The following SLC24A3 variants were observed in gnomAD, a reference collection of about 807,000 sequenced individuals.
SLC24A3 encodes the protein sodium/potassium/calcium exchanger 3.
SLC24A3 carries 28 observed loss-of-function variants against 75.8 expected under a neutral mutation model. The observed-to-expected ratio is 0.37, with a 90% CI of 0.27 to 0.51. The LOEUF is 0.51. SLC24A3 is among the 20% of genes least tolerant of loss of function. The pLI is 0.94. For missense variants in SLC24A3, 663 were observed against 847.8 expected, an observed-to-expected ratio of 0.78 and a Z score of 2.71; for synonymous variants, 372 against 334.1, an observed-to-expected ratio of 1.11 and a Z score of -1.24.
intron 2 of SLC24A3, among the ~76,000 whole-genome samples, chr20:19,372,012 T>C (rs1986000795): frequency 6.6e-6 from 1 of 152,154 alleles, no homozygotes; most frequent in South Asian, 2.1e-4. Flanking sequence ...GACCCAGGGC[T>C]TCTATATCAT....
chr20:19,434,692 A>G (rs926374285), intron 2 of SLC24A3, among the ~76,000 whole-genome samples: 1 of 152,010 alleles, frequency 6.6e-6, no homozygotes, highest in African/African-American at 2.4e-5. Flanking sequence ...GTTCTTGGCT[A>G]ATTACAAAGT....
intron 3 of SLC24A3, among the ~76,000 whole-genome samples, chr20:19,549,657 G>A (rs538195910): frequency 1.3e-4 from 20 of 152,216 alleles, no homozygotes; most frequent in East Asian, 1.2e-3. Flanking sequence ...GTTGGCGGGC[G>A]TCTGTAATCC....
chr20:19,715,920 C>T (rs1190089073), intron 15 of SLC24A3, among the ~76,000 whole-genome samples: 2 of 152,234 alleles, frequency 1.3e-5, no homozygotes, highest in Admixed American at 1.3e-4. Context: ...AACCTGAATG[C>T]ACACAAGCAT....
rs928590004 is a variant in SLC24A3 at position 19,542,173 on chromosome 20, G to A, written c.348+26609G>A. 2.0e-5 allele frequency among the ~76,000 whole-genome samples: 3 copies of A among 152,194 alleles called. No homozygotes were observed. In the East Asian group the frequency reaches 5.8e-4, roughly 29 times the overall value. Reference sequence around the variant, plus strand: ...CACTTAAGTTGATGTGAAATGTTGAGGTCAAGGTGAAAATTGCAGTTCAAT... The same window carrying A: ...CACTTAAGTTGATGTGAAATGTTGAAGTCAAGGTGAAAATTGCAGTTCAAT... On this transcript the variant is annotated intron_variant, in intron 3 of 16. Coordinates refer to ENST00000328041, the MANE Select transcript of SLC24A3 (RefSeq NM_020689.4).
At chr20:19,243,766 C>T (rs1353309364) in intron 1 of SLC24A3, 1 of 152,442 alleles carries the variant, frequency 6.6e-6, no homozygotes, top group Admixed American at 6.6e-5. Flanking sequence ...TCTCTGGCCC[C>T]TTCTTCTTTC....
At chr20:19,262,377 C>T (rs1241764966) in intron 1 of SLC24A3, among the ~76,000 whole-genome samples, 7 of 142,580 alleles carry the variant, frequency 4.9e-5, no homozygotes, top group Non-Finnish European at 1.1e-4. Context: ...TGCACTCCAG[C>T]CTGGGCGACA....
intron 3 of SLC24A3, among the ~76,000 whole-genome samples, chr20:19,561,606 T>C (rs1324762625): frequency 6.6e-6 from 1 of 152,208 alleles, no homozygotes; most frequent in Non-Finnish European, 1.5e-5. Flanking sequence ...AATCCACTTC[T>C]ACTCAGTTGG....
At chr20:19,577,973 C>G (rs942025656) in intron 3 of SLC24A3, among the ~76,000 whole-genome samples, 3 of 152,132 alleles carry the variant, frequency 2.0e-5, no homozygotes, top group Non-Finnish European at 4.4e-5. Context: ...TTAAAGTATA[C>G]TTTAGAATCT....
At chr20:19,621,104 A>G (rs1388590763) in intron 6 of SLC24A3, among the ~76,000 whole-genome samples, 1 of 152,206 alleles carries the variant, frequency 6.6e-6, no homozygotes, top group Non-Finnish European at 1.5e-5. Flanking sequence ...TTTGCAGGTA[A>G]CAAAAGGAGG....
intron 1 of SLC24A3, among the ~76,000 whole-genome samples, chr20:19,237,677 A>G (rs1235738323): frequency 6.6e-6 from 1 of 152,290 alleles, no homozygotes; most frequent in Non-Finnish European, 1.5e-5. Context: ...GGACAACAGC[A>G]TGAGCATTGA....
intron 3 of SLC24A3, among the ~76,000 whole-genome samples, chr20:19,518,163 A>G (rs559051467): frequency 6.6e-6 from 1 of 152,338 alleles, no homozygotes; most frequent in South Asian, 2.1e-4. Flanking sequence ...GAACTGCTGG[A>G]AGGGTAACAT....
intron 2 of SLC24A3, among the ~76,000 whole-genome samples, chr20:19,443,336 TA>T (rs768833878): frequency 1.1e-4 from 16 of 152,218 alleles, no homozygotes; most frequent in Non-Finnish European, 2.2e-4. Flanking sequence ...CTCCTTTTTT[TA>T]GTTCTTTTTT....
At chr20:19,498,755 C>A (rs775371595) in intron 2 of SLC24A3, among the ~76,000 whole-genome samples, 1 of 152,194 alleles carries the variant, frequency 6.6e-6, no homozygotes, top group African/African-American at 2.4e-5. Context: ...CCTCCCCCAC[C>A]AAAAATGAAG....
chr20:19,545,582 G>GGGGACA (rs1365268660), intron 3 of SLC24A3, among the ~76,000 whole-genome samples: 1 of 152,146 alleles, frequency 6.6e-6, no homozygotes, highest in East Asian at 1.9e-4. Context: ...AGATAGGCAT[G>GGGGACA]GGGACATGGG....
intron 15 of SLC24A3, among the ~76,000 whole-genome samples, chr20:19,703,638 T>C (rs1364835816): frequency 4.6e-5 from 7 of 152,234 alleles, no homozygotes; most frequent in Non-Finnish European, 8.8e-5. Flanking sequence ...AAGTGTATGA[T>C]CTATTTCAAA....
chr20:19,502,727 A>G (rs532865967), intron 2 of SLC24A3, among the ~76,000 whole-genome samples: 3 of 152,048 alleles, frequency 2.0e-5, no homozygotes, highest in East Asian at 3.9e-4. Context: ...AGTCAAATAT[A>G]TAATAAAAAA....
intron 1 of SLC24A3, among the ~76,000 whole-genome samples, chr20:19,275,263 T>C (rs1315068162): frequency 1.3e-5 from 2 of 152,194 alleles, no homozygotes; most frequent in African/African-American, 4.8e-5. Flanking sequence ...AGCTCTGGCC[T>C]AGGGTCCTGG....
intron 2 of SLC24A3, among the ~76,000 whole-genome samples, chr20:19,345,687 A>T (rs1985378188): frequency 6.6e-6 from 1 of 152,218 alleles, no homozygotes; most frequent in Admixed American, 6.5e-5. Flanking sequence ...ATTTGGAAAA[A>T]TGCTCAACAT....
At chr20:19,588,877 T>G (rs1031697510) in intron 6 of SLC24A3, among the ~76,000 whole-genome samples, 2 of 152,206 alleles carry the variant, frequency 1.3e-5, no homozygotes, top group African/African-American at 4.8e-5. Context: ...GGTTAGGACT[T>G]TCATATTCAG....
Sources: gnomAD v4.1 joint callset for allele counts (sites outside exome capture counted in the v4.1 genomes callset) on GRCh38, gnomAD v4.1.1 for gene constraint, MANE v1.5 for transcripts, NCBI Gene and HGNC (gene_info 2026-07-23, HGNC 2026-07-21) for gene names.